The following ASIP variants were observed in gnomAD, a reference collection of about 807,000 sequenced individuals.
ASIP encodes agouti-signaling protein.
Under a neutral mutation model 10.3 loss-of-function variants are expected in ASIP, and 11 were observed. That is an observed-to-expected ratio of 1.07 (90% CI 0.68 to 1.78). The LOEUF is 1.78. Among genes scored for constraint, ASIP ranks in the 40% most tolerant of loss-of-function variants. The pLI is 0.00. For synonymous variants in ASIP, 70 were observed against 70.8 expected (o/e 0.99, Z 0.06); for missense variants, 180 against 169.2 (o/e 1.06, Z -0.35).
At chr20:34,187,033 C>T in the ASIP span, among the ~76,000 whole-genome samples, 2 of 152,060 alleles carry the variant, frequency 1.3e-5, no homozygotes, top group Non-Finnish European at 2.9e-5. Flanking sequence ...AGGATGGTCT[C>T]GATCTCCTGA....
intron 1 of ASIP, among the ~76,000 whole-genome samples, chr20:34,258,736 A>G (rs562258194): frequency 3.4e-5 from 3 of 89,440 alleles, no homozygotes; most frequent in African/African-American, 9.2e-5. Context: ...TATATATAGT[A>G]TATATATACT....
chr20:34,207,287 T>A (rs1056253733), intron 1 of ASIP, among the ~76,000 whole-genome samples: 2 of 152,252 alleles, frequency 1.3e-5, no homozygotes, highest in Non-Finnish European at 2.9e-5. Flanking sequence ...TGATTTGTAT[T>A]TCCCTGATGA....
At chr20:34,246,097 G>T (rs2035370277) in intron 1 of ASIP, 1 of 892,546 alleles carries the variant, frequency 1.1e-6, no homozygotes, top group South Asian at 1.4e-5. Flanking sequence ...GAGAATTTTT[G>T]AGCAAAAATC....
chr20:34,190,223 T>C (rs887251016), upstream of ASIP, among the ~76,000 whole-genome samples: 8 of 152,240 alleles, frequency 5.3e-5, no homozygotes, highest in African/African-American at 1.7e-4. Flanking sequence ...ATTGGATTTC[T>C]TGCAGTGTTG....
Position 34,255,635 on chromosome 20 carries a change from T to C in ASIP, c.-10-4730T>C, listed in dbSNP as rs143173677. Among the ~76,000 whole-genome samples the C allele has an allele frequency of 2.6e-3, 391 of 152,350 alleles. 2 individuals are homozygous for C. Among genetic ancestry groups the C allele is most frequent in the African/African-American group, 8.6e-3 (358 of 41,592 alleles). ...ATTACTCTTTATTCCAATATTATAA[T>C]AATCTTTGTTCTACAATTATAACCT... is the stretch of plus-strand genomic sequence containing the variant. On this transcript the variant is annotated intron_variant, in intron 1 of 3. Transcript: ENST00000374954.
upstream of ASIP, among the ~76,000 whole-genome samples, chr20:34,239,416 C>T (rs962220961): frequency 6.6e-6 from 1 of 152,136 alleles, no homozygotes; most frequent in African/African-American, 2.4e-5. Flanking sequence ...GGGGTATCAC[C>T]ATGTTGGCCA....
intron 1 of ASIP, 55 bp from the exon 2 acceptor site, chr20:34,260,310 C>T: frequency 2.0e-6 from 3 of 1,527,208 alleles, no homozygotes; most frequent in Non-Finnish European, 2.7e-6. Context: ...AGCAGGAAGG[C>T]CTCTTACCAT....
At chr20:34,207,479 TA>T (rs1219015289) in intron 1 of ASIP, among the ~76,000 whole-genome samples, 1 of 152,228 alleles carries the variant, frequency 6.6e-6, no homozygotes, top group African/African-American at 2.4e-5. Flanking sequence ...TTCTGTAGGT[TA>T]TCTCTTCACT....
chr20:34,252,704 G>A (rs1322747984), intron 1 of ASIP, among the ~76,000 whole-genome samples: 1 of 152,102 alleles, frequency 6.6e-6, no homozygotes, highest in Non-Finnish European at 1.5e-5. Context: ...TATGGGTGTC[G>A]GGTTGGGGGA....
At chr20:34,266,737 C>T (rs572174783) in intron 3 of ASIP, among the ~76,000 whole-genome samples, 6 of 152,144 alleles carry the variant, frequency 3.9e-5, no homozygotes, top group Non-Finnish European at 8.8e-5. Flanking sequence ...ACTAAGGACA[C>T]GTTAGCACCA....
At chr20:34,235,877 G>A in intron 1 of ASIP, among the ~76,000 whole-genome samples, 1 of 105,232 alleles carries the variant, frequency 9.5e-6, no homozygotes, top group Non-Finnish European at 1.8e-5. Context: ...AAGGAAGGAA[G>A]GAAGGAAGGA....
At position 34,245,073 on chromosome 20, in the gene ASIP, T is replaced by C. The variant is rs550020004; in HGVS notation, c.-11+3584T>C. Among the ~76,000 whole-genome samples, 24 of 152,128 alleles carry C rather than the reference T, an allele frequency of 1.6e-4. No individual in the cohort carries two copies. In the South Asian group the frequency reaches 1.9e-3, roughly 12 times the overall value. ...GAGTCAGGCCGGGCACAGTGGCTCA[T>C]GCCTGTAATCCCAGCACTTTGGGAG... On this transcript the variant is annotated intron_variant, in intron 1 of 3. Transcript: ENST00000374954.
chr20:34,248,501 C>T (rs189711235), intron 1 of ASIP, among the ~76,000 whole-genome samples: 220 of 152,262 alleles, frequency 1.4e-3, no homozygotes, highest in African/African-American at 5.1e-3. Context: ...GGCAAATCCT[C>T]ACCATAAAAG....
intron 1 of ASIP, among the ~76,000 whole-genome samples, chr20:34,217,432 C>A (rs1304653441): frequency 2.0e-5 from 3 of 150,468 alleles, no homozygotes; most frequent in African/African-American, 7.4e-5. Context: ...AATGAGACTC[C>A]AACTCAAAAA....
chr20:34,214,566 T>C (rs1796938351), intron 1 of ASIP: 18 of 1,459,882 alleles, frequency 1.2e-5, no homozygotes, highest in African/African-American at 1.2e-4. Flanking sequence ...AATTCTGCAG[T>C]GTAGAACTAA....
upstream of ASIP, among the ~76,000 whole-genome samples, chr20:34,238,307 G>A (rs563570242): frequency 2.0e-5 from 3 of 152,078 alleles, no homozygotes; most frequent in Non-Finnish European, 4.4e-5. Context: ...GCTTGATGGT[G>A]TCCCACATGT....
intron 1 of ASIP, among the ~76,000 whole-genome samples, chr20:34,255,500 C>T (rs1000391036): frequency 3.9e-5 from 6 of 152,164 alleles, no homozygotes; most frequent in Admixed American, 1.3e-4. Context: ...AGACCGAGGG[C>T]ACAAGCTGCT....
At chr20:34,187,537 C>T in the ASIP span, among the ~76,000 whole-genome samples, 1 of 152,302 alleles carries the variant, frequency 6.6e-6, no homozygotes, top group Non-Finnish European at 1.5e-5. Flanking sequence ...ACGGTGTTTT[C>T]GTCTTTCTCT....
At chr20:34,263,426 G>GT (rs1415476465) in intron 3 of ASIP, among the ~76,000 whole-genome samples, 1 of 151,850 alleles carries the variant, frequency 6.6e-6, no homozygotes, top group African/African-American at 2.4e-5. Context: ...TTAGCCAGGC[G>GT]TGGTGGTGGG....
Sources: allele counts gnomAD v4.1 joint callset (sites outside exome capture counted in the v4.1 genomes callset), GRCh38; gene constraint gnomAD v4.1.1; transcripts MANE v1.5; gene names NCBI Gene and HGNC (gene_info 2026-07-23, HGNC 2026-07-21).